Variants in PGAP6 observed in about 807,000 individuals in gnomAD.
The protein encoded by PGAP6 is post-GPI attachment to proteins factor 6.
In PGAP6, 62 loss-of-function variants were observed where a neutral mutation model predicts 68.4. The observed-to-expected ratio is 0.91, with a 90% CI of 0.74 to 1.12. The LOEUF (loss-of-function observed/expected upper bound fraction) is 1.12. Among genes scored for constraint, PGAP6 ranks in the 50% most tolerant of loss-of-function variants. PGAP6 has a pLI of 0.00. For missense variants in PGAP6, 1,188 were observed against 1,068.5 expected, an observed-to-expected ratio of 1.11 and a Z score of -1.56; for synonymous variants, 575 against 474.0, an observed-to-expected ratio of 1.21 and a Z score of -2.77.
chr16:380,728 A>G (rs2054429654), intron 1 of PGAP6, among the ~76,000 whole-genome samples: 1 of 152,000 alleles, frequency 6.6e-6, no homozygotes, highest in East Asian at 1.9e-4. Context: ...TACCTGTGCC[A>G]AGCTCAGAAA....
At chr16:382,604 A>G (rs1161249527), upstream of PGAP6, 1 of 235,574 alleles carries the variant, frequency 4.2e-6, no homozygotes. Context: ...TTGCACCTGG[A>G]TGGATTCCCA....
intron 1 of PGAP6, among the ~76,000 whole-genome samples, chr16:381,326 C>G (rs1286831145): frequency 6.6e-6 from 1 of 152,236 alleles, no homozygotes; most frequent in East Asian, 1.9e-4. Context: ...CCGGACCCGG[C>G]CGGTGAGCTC....
Position 372,013 on chromosome 16 carries a change from G to C in PGAP6, c.2290C>G (p.Arg764Gly). 6.2e-7 allele frequency: 1 copy of C among 1,612,564 alleles called. No homozygotes were observed. Among genetic ancestry groups the C allele is most frequent in the African/African-American group, 1.3e-5 (1 of 75,032 alleles). Residue 764 changes from arginine (R) to glycine (G), a missense_variant, in exon 13 of 13, where the codon CGG (arginine) becomes GGG (glycine). Transcript: ENST00000431232. Reference sequence around the variant, plus strand: ...CACGTCACTGCGTACAGTTCCTCCCGATCGTTCTTGCAGATCTGATAGTGG... The same window carrying C: ...CACGTCACTGCGTACAGTTCCTCCCCATCGTTCTTGCAGATCTGATAGTGG... ...PCHYQICKND[R>G]EELYAVT
In PGAP6 at chr16:376,530, C is replaced by G. The variant is rs200676073; in HGVS notation, c.904+14G>C. On this transcript the variant is annotated intron_variant, in intron 5 of 12. Coordinates refer to ENST00000431232, the MANE Select transcript of PGAP6 (RefSeq NM_021259.3). ...GAGGGGCAGGGCCATCCCTCCAGCC[C>G]TTGTGCGGCCCACCTGTGAGGGCAG... 6.5e-7 allele frequency: 1 copy of G among 1,544,266 alleles called. No homozygotes were observed. The highest frequency in any genetic ancestry group is 2.3e-5 in the East Asian group (1 of 44,288).
intron 6 of PGAP6, 129 bp downstream of exon 6, chr16:376,007 G>A (rs540056311): frequency 0.11 from 98,192 of 896,974 alleles, 5,765 homozygotes; most frequent in South Asian, 0.12. Context: ...ATGGGCCCCT[G>A]TCTTGGCCCG....
In PGAP6 at chr16:376,602, A is replaced by T. The variant is rs759572698; in HGVS notation, c.846T>A (p.Ala282=). ...PPWDRWLQVT[A]ESLVGPLGTV... ...TCCCGAGGGGCCCCACCAGGCTCTC[A>T]GCTGTCACTTGCAGCCACCGGTCCC... The change falls in exon 5 of 13, where the codon GCT becomes GCA. Residue 282 remains alanine (A), a synonymous_variant. Coordinates refer to ENST00000431232, the MANE Select transcript of PGAP6 (RefSeq NM_021259.3). The T allele has an allele frequency of 6.3e-7, 1 of 1,588,974 alleles. No individual in the cohort carries two copies. Among genetic ancestry groups the T allele is most frequent in the East Asian group, 2.2e-5 (1 of 44,592 alleles).
At chr16:372,353 G>A (rs911944667) in intron 12 of PGAP6, 70 bp from the exon 13 acceptor site, 17 of 1,490,934 alleles carry the variant, frequency 1.1e-5, no homozygotes, top group Middle Eastern at 2.3e-4. Flanking sequence ...GCCCAGATAC[G>A]GTGGTTACTG....
intron 1 of PGAP6, among the ~76,000 whole-genome samples, chr16:378,223 CTGACT>C (rs2054405443): frequency 2.7e-5 from 4 of 147,876 alleles, no homozygotes; most frequent in African/African-American, 5.0e-5. Context: ...CATCGCCACC[CTGACT>C]GCCATCGCCA....
chr16:381,318 G>T (rs1397283020), intron 1 of PGAP6, among the ~76,000 whole-genome samples: 1 of 152,334 alleles, frequency 6.6e-6, no homozygotes, highest in East Asian at 1.9e-4. Context: ...CTCTCAGGCC[G>T]GACCCGGCCG....
upstream of PGAP6, among the ~76,000 whole-genome samples, chr16:385,768 G>A (rs2054480402): frequency 6.6e-6 from 1 of 151,284 alleles, no homozygotes; most frequent in Non-Finnish European, 1.5e-5. Context: ...GGGACTACAG[G>A]CGCCTGCCAA....
rs1410869860 is a variant in PGAP6 at position 374,839 on chromosome 16, C to T, written c.1493G>A (p.Cys498Tyr). The change falls in exon 9 of 13, where the codon TGT becomes TAT. Residue 498 changes from cysteine (C) to tyrosine (Y), a missense_variant. Physicochemically the swap from Cys to Tyr is radical, Grantham distance 194. Coordinates refer to ENST00000431232, the MANE Select transcript of PGAP6 (RefSeq NM_021259.3). ...GCCATAGGGTCCACAATCGTTCAAACAGGGCACCAGGTACAAGGTGGTCTC... is the reference window on the plus strand; with the variant it reads ...GCCATAGGGTCCACAATCGTTCAAATAGGGCACCAGGTACAAGGTGGTCTC... ...HVETTLYLVP[C>Y]LNDCGPYGQC... 3.1e-6 allele frequency: 5 copies of T among 1,612,914 alleles called. No individual in the cohort carries two copies. Among genetic ancestry groups the T allele is most frequent in the East Asian group, 4.5e-5 (2 of 44,892 alleles).
At position 376,686 on chromosome 16, in the gene PGAP6, C is replaced by T. The variant is rs753985100; in HGVS notation, c.762G>A (p.Lys254=). ...GPVTLPSNFQ[K]VLTCTGAPWP... ...AGGGGGCACCGGTGCAGGTGAGCAC[C>T]TTCTGGAAGTTGCTAGGCAGGGTGA... The change falls in exon 5 of 13, where the codon AAG becomes AAA. Residue 254 remains lysine (K), a synonymous_variant. Transcript: ENST00000431232. The T allele has an allele frequency of 6.2e-7, 1 of 1,611,490 alleles. No individual in the cohort carries two copies. The highest frequency in any genetic ancestry group is 1.7e-5 in the Admixed American group (1 of 59,904).
intron 1 of PGAP6, among the ~76,000 whole-genome samples, chr16:378,386 T>A (rs143538485): frequency 5.7e-3 from 29 of 5,052 alleles, no homozygotes; most frequent in South Asian, 0.022. Context: ...ATCGCCACCC[T>A]GACTGCCATC....
rs905458342 is a variant in PGAP6, at chr16:381,910, C to T, written c.-89G>A. The T allele has an allele frequency of 4.1e-6, 4 of 967,096 alleles. No homozygotes were observed. The African/African-American group carries it at 7.1e-5, about 17-fold the overall frequency. The allele number at this position is 967,096 out of a possible 1,614,324, so 59.9% of individuals were successfully genotyped here. A position where few individuals can be genotyped will look rare whatever the true frequency, so the allele number is the denominator to read the frequency against. On this transcript the variant is annotated 5_prime_UTR_variant, in exon 1 of 13. Transcript: ENST00000431232. ...CGGGCAGCCTCTGCCGCCTCCGCCT[C>T]TGCCGCCTCCGCCTCTGCCCCCGGC... is the stretch of plus-strand genomic sequence containing the variant.
intron 9 of PGAP6, 120 bp from the exon 10 acceptor site, chr16:374,519 G>A (rs1016352089): frequency 1.5e-5 from 19 of 1,235,964 alleles, no homozygotes; most frequent in South Asian, 3.2e-5. Context: ...GGGTAGGCAC[G>A]GCGGGCGGGG....
Position 376,716 on chromosome 16 carries a change from G to T in PGAP6, c.732C>A (p.Gly244=), listed in dbSNP as rs765051305. The T allele has an allele frequency of 1.2e-6, 2 of 1,611,632 alleles. No individual in the cohort carries two copies. Among genetic ancestry groups the T allele is most frequent in the African/African-American group, 2.7e-5 (2 of 74,894 alleles). ...SLGCPVRLTV[G]PVTLPSNFQK... ...GGAAGTTGCTAGGCAGGGTGACCGG[G>T]CCCACGGTGAGACGCACGGGGCAGC... Residue 244 remains glycine (G), a synonymous_variant, in exon 5 of 13, where the codon GGC becomes GGA. Coordinates refer to ENST00000431232, the MANE Select transcript of PGAP6 (RefSeq NM_021259.3).
In PGAP6 at chr16:371,686, A is replaced by T. The variant is rs1263237343; in HGVS notation, c.*301T>A. 2 of 392,580 alleles carry T rather than the reference A, an allele frequency of 5.1e-6. No individual in the cohort carries two copies. The highest frequency in any genetic ancestry group is 9.5e-6 in the Non-Finnish European group (2 of 210,562). 24.3% of individuals were successfully genotyped at this position (392,580 alleles called of 1,614,324 possible). ...CTAGCCACCCACAGGCCAGCAGAGCACACAGCCCCACCCTCGCACAGGCAC... is the reference window on the plus strand; with the variant it reads ...CTAGCCACCCACAGGCCAGCAGAGCTCACAGCCCCACCCTCGCACAGGCAC... On this transcript the variant is annotated 3_prime_UTR_variant, in exon 13 of 13. Transcript: ENST00000431232.
intron 1 of PGAP6, among the ~76,000 whole-genome samples, chr16:378,284 C>T (rs866209219): frequency 7.5e-6 from 1 of 134,206 alleles, no homozygotes; most frequent in Non-Finnish European, 1.7e-5. Context: ...ACCCACACTG[C>T]CATCGCCACC....
chr16:376,541 C>T lies in PGAP6; in HGVS notation c.904+3G>A, dbSNP rs1396339229. 3.9e-6 allele frequency: 6 copies of T among 1,543,934 alleles called. No homozygotes were observed. The African/African-American group carries it at 6.8e-5, about 18-fold the overall frequency. ...CCATCCCTCCAGCCCTTGTGCGGCCCACCTGTGAGGGCAGCTACAGCACTG... is the reference window on the plus strand; with the variant it reads ...CCATCCCTCCAGCCCTTGTGCGGCCTACCTGTGAGGGCAGCTACAGCACTG... On this transcript the variant is annotated splice_donor_region_variant and intron_variant, in intron 5 of 12. Transcript: ENST00000431232.
Sources: allele counts gnomAD v4.1 joint callset (sites outside exome capture counted in the v4.1 genomes callset), GRCh38; gene constraint gnomAD v4.1.1; transcripts MANE v1.5; gene names NCBI Gene and HGNC (gene_info 2026-07-23, HGNC 2026-07-21).